Variants in DARS1 observed in about 807,000 individuals in gnomAD.
DARS1 encodes the protein aspartyl-tRNA synthetase 1.
DARS1 carries 51 observed loss-of-function variants against 68.8 expected under a neutral mutation model. That is an observed-to-expected ratio of 0.74 (90% CI 0.59 to 0.94). DARS1 has a LOEUF of 0.94. DARS1 is among the 40% of genes least tolerant of loss of function. DARS1 has a pLI of 0.00. For synonymous variants in DARS1, 203 were observed against 190.4 expected, an observed-to-expected ratio of 1.07 and a Z score of -0.55; for missense variants, 607 against 597.3, an observed-to-expected ratio of 1.02 and a Z score of -0.17.
chr2:135,945,746 C>G (rs1244532543), intron 4 of DARS1, among the ~76,000 whole-genome samples: 1 of 152,192 alleles, frequency 6.6e-6, no homozygotes, highest in African/African-American at 2.4e-5. Context: ...TCTGAAACCA[C>G]AAACTATTTC....
Position 135,920,486 on chromosome 2 carries a change from G to T in DARS1, c.926C>A (p.Thr309Asn). 6.2e-7 allele frequency: 1 copy of T among 1,613,426 alleles called. No individual in the cohort carries two copies. Among genetic ancestry groups the T allele is most frequent in the Non-Finnish European group, 8.5e-7 (1 of 1,179,760 alleles). Residue 309 changes from threonine (T) to asparagine (N), a missense_variant, in exon 10 of 16, where the codon ACC becomes AAC. Thr to Asn is a moderately conservative substitution (Grantham distance 65, BLOSUM62 0). Coordinates refer to ENST00000264161, the MANE Select transcript of DARS1 (RefSeq NM_001349.4). ...YHEVMEEIADTMVQIFKGLQE... is the reference protein window; with the variant it reads ...YHEVMEEIADNMVQIFKGLQE... ...AAGTCCTTTGAATATTTGTACCATGGTGTCAGCAATTTCTTCCATAACTTC... is the reference window on the plus strand; with the variant it reads ...AAGTCCTTTGAATATTTGTACCATGTTGTCAGCAATTTCTTCCATAACTTC...
At chr2:135,923,183 A>AT (rs1275379408) in intron 8 of DARS1, among the ~76,000 whole-genome samples, 74 of 152,266 alleles carry the variant, frequency 4.9e-4, no homozygotes, top group African/African-American at 1.7e-3. Context: ...TTTCAAAACT[A>AT]TTAAAGCCCC....
chr2:135,914,537 T>C, intron 11 of DARS1, 26 bp from the exon 12 acceptor site: 1 of 1,246,072 alleles, frequency 8.0e-7, no homozygotes, highest in South Asian at 1.2e-5. Flanking sequence ...GAAATCAGTG[T>C]TTGAAGATCA....
At chr2:135,940,608 T>A (rs368051394) in intron 5 of DARS1, among the ~76,000 whole-genome samples, 1 of 152,070 alleles carries the variant, frequency 6.6e-6, no homozygotes, top group Admixed American at 6.6e-5. Context: ...ACAAGACAGG[T>A]ATGTCCTCTC....
intron 1 of DARS1, among the ~76,000 whole-genome samples, chr2:135,983,881 A>G (rs1489409067): frequency 6.6e-6 from 1 of 152,210 alleles, no homozygotes; most frequent in Non-Finnish European, 1.5e-5. Context: ...AAGAGAACCA[A>G]CGTTTTGGGT....
At chr2:135,935,898 G>T (rs1681462875) in intron 5 of DARS1, among the ~76,000 whole-genome samples, 1 of 152,184 alleles carries the variant, frequency 6.6e-6, no homozygotes, top group Non-Finnish European at 1.5e-5. Flanking sequence ...AAGAAATAGT[G>T]TAGGATACTC....
At chr2:135,922,326 T>C (rs1210805391) in intron 9 of DARS1, among the ~76,000 whole-genome samples, 1 of 152,186 alleles carries the variant, frequency 6.6e-6, no homozygotes, top group African/African-American at 2.4e-5. Context: ...CTTTGACCAC[T>C]GCAACTACCT....
intron 3 of DARS1, among the ~76,000 whole-genome samples, chr2:135,972,704 A>C (rs1387704506): frequency 6.6e-6 from 1 of 152,236 alleles, no homozygotes; most frequent in African/African-American, 2.4e-5. Flanking sequence ...ACCAGAATAC[A>C]TAAGGAGCTC....
intron 4 of DARS1, among the ~76,000 whole-genome samples, chr2:135,956,623 A>G (rs1436861835): frequency 1.3e-5 from 2 of 152,174 alleles, no homozygotes; most frequent in Non-Finnish European, 2.9e-5. Context: ...ATCTGAGGAG[A>G]GTTTGGTCAA....
Position 135,912,554 on chromosome 2 carries a change from A to G in DARS1, c.1162T>C (p.Phe388Leu). Residue 388 changes from phenylalanine to leucine, a missense_variant, in exon 13 of 16, where the codon TTT becomes CTT. By Grantham distance (22) the Phe-to-Leu change is conservative. Transcript: ENST00000264161. ...AATGGATATTTATCAAGAATATAAA[A>G]ATCTGTATCATACTATAAAAAGAAT... ...HLVKEKYDTD[F>L]YILDKYPLAV... 1.1e-6 allele frequency: 1 copy of G among 926,566 alleles called. No homozygotes were observed. Among genetic ancestry groups the G allele is most frequent in the African/African-American group, 1.6e-5 (1 of 61,122 alleles). The allele number at this position is 926,566 out of a possible 1,614,324, so 57.4% of individuals were successfully genotyped here.
At chr2:135,983,523 C>A in intron 1 of DARS1, 69 bp from the exon 2 acceptor site, 4 of 624,630 alleles carry the variant, frequency 6.4e-6, no homozygotes, top group South Asian at 2.0e-5. Context: ...CACATAAATA[C>A]TAATAATAGA....
intron 1 of DARS1, among the ~76,000 whole-genome samples, chr2:135,983,830 CCA>C (rs1338789643): frequency 1.3e-5 from 2 of 152,180 alleles, no homozygotes; most frequent in East Asian, 1.9e-4. Context: ...GGATGAAGTA[CCA>C]CAGTTTTATT....
rs1356855620 is a variant in DARS1 at position 135,906,842 on chromosome 2, T to C, written c.*474A>G. ...TTAATTTTCCATGATATGCCAATTA[T>C]ACATTCATTAAAATTTCAGATGCTA... On this transcript the variant is annotated 3_prime_UTR_variant, in exon 16 of 16. Coordinates refer to ENST00000264161, the MANE Select transcript of DARS1 (RefSeq NM_001349.4). 6.5e-6 allele frequency: 1 copy of C among 152,694 alleles called. No individual in the cohort carries two copies. Among genetic ancestry groups the C allele is most frequent in the Admixed American group, 6.5e-5 (1 of 15,286 alleles). The allele number at this position is 152,694 out of a possible 1,614,324, so 9.5% of individuals were successfully genotyped here.
chr2:135,912,518 G>C lies in DARS1; in HGVS notation c.1198C>G (p.Pro400Ala). 1.8e-6 allele frequency: 2 copies of C among 1,126,766 alleles called. No homozygotes were observed. The highest frequency in any genetic ancestry group is 2.5e-5 in the East Asian group (1 of 40,782). 69.8% of individuals were successfully genotyped at this position (1,126,766 alleles called of 1,614,324 possible). The change falls in exon 13 of 16, where the codon CCT (proline) becomes GCT (alanine). Residue 400 changes from proline to alanine, a missense_variant. By Grantham distance (27) the Pro-to-Ala change is conservative. Transcript: ENST00000264161. ...ILDKYPLAVR[P>A]FYTMPDPRNP... ...CTTGGGTCAGGCATGGTATAGAAAGGTCTTACAGCCAATGGATATTTATCA... is the reference window on the plus strand; with the variant it reads ...CTTGGGTCAGGCATGGTATAGAAAGCTCTTACAGCCAATGGATATTTATCA...
intron 3 of DARS1, among the ~76,000 whole-genome samples, chr2:135,973,814 T>C (rs1399350446): frequency 6.6e-6 from 1 of 152,178 alleles, no homozygotes; most frequent in Non-Finnish European, 1.5e-5. Context: ...TGCAGTGAGT[T>C]GAGATCACAC....
rs756586966 is a variant in DARS1, at chr2:135,961,393, T to C, written c.320+3A>G. 1.3e-5 allele frequency: 17 copies of C among 1,259,660 alleles called. No individual in the cohort carries two copies. The highest frequency in any genetic ancestry group is 3.4e-5 in the Admixed American group (2 of 59,560). 78.0% of individuals were successfully genotyped at this position (1,259,660 alleles called of 1,614,324 possible). A position where few individuals can be genotyped will look rare whatever the true frequency, so the allele number is the denominator to read the frequency against. On this transcript the variant is annotated splice_donor_region_variant and intron_variant, in intron 4 of 15. Transcript: ENST00000264161. ...TGACAACAGGATATAATTGCTTACTTACTTGGCAGCAAATTTAACCATCTG... is the reference window on the plus strand; with the variant it reads ...TGACAACAGGATATAATTGCTTACTCACTTGGCAGCAAATTTAACCATCTG...
intron 6 of DARS1, among the ~76,000 whole-genome samples, chr2:135,933,390 G>A (rs1211640911): frequency 1.3e-5 from 2 of 152,226 alleles, no homozygotes; most frequent in African/African-American, 4.8e-5. Context: ...GAGGCAATAT[G>A]AGAATCTAGT....
chr2:135,957,746 T>C (rs1682011264), intron 4 of DARS1, among the ~76,000 whole-genome samples: 1 of 152,156 alleles, frequency 6.6e-6, no homozygotes, highest in African/African-American at 2.4e-5. Flanking sequence ...AGGTTCTCTT[T>C]AGTGGAATAA....
At chr2:135,968,653 T>G (rs1403390477) in intron 3 of DARS1, among the ~76,000 whole-genome samples, 4 of 150,844 alleles carry the variant, frequency 2.7e-5, no homozygotes, top group Non-Finnish European at 5.9e-5. Context: ...ACACTGGGGA[T>G]TCAGCTTTTT....
Sources: allele counts gnomAD v4.1 joint callset (sites outside exome capture counted in the v4.1 genomes callset), GRCh38; gene constraint gnomAD v4.1.1; transcripts MANE v1.5; gene names NCBI Gene and HGNC (gene_info 2026-07-23, HGNC 2026-07-21).